DACH2: variants seen among roughly 807,000 people sequenced by gnomAD.
The protein encoded by DACH2 is dachshund family transcription factor 2, also known as dachshund homolog 2.
In DACH2, 17 loss-of-function variants were observed where a neutral mutation model predicts 35.8. That is an observed-to-expected ratio of 0.48 (90% CI 0.33 to 0.71). The LOEUF (loss-of-function observed/expected upper bound fraction) is 0.71, where lower values mean the gene tolerates loss of function less well. Among genes scored for constraint, DACH2 ranks in the 30% least tolerant of loss-of-function variants. DACH2 has a pLI of 0.02. For missense variants in DACH2, 469 were observed against 472.7 expected (o/e 0.99, Z 0.07); for synonymous variants, 195 against 177.3 (o/e 1.10, Z -0.79).
At chrX:86,775,756 T>A (rs1018992190) in intron 7 of DACH2, among the ~76,000 whole-genome samples, 3 of 112,205 alleles carry the variant, frequency 2.7e-5, no homozygotes, top group Non-Finnish European at 5.6e-5. Context: ...GCATTTACAT[T>A]TTGTTCTTAT....
intron 4 of DACH2, among the ~76,000 whole-genome samples, chrX:86,663,862 C>A (rs2040635987): frequency 9.0e-6 from 1 of 111,541 alleles, no homozygotes; most frequent in African/African-American, 3.3e-5. Context: ...TGGTTGGTTA[C>A]AAGTGCCTCC....
chrX:86,479,704 G>T (rs1454047411), intron 2 of DACH2, among the ~76,000 whole-genome samples: 2 of 111,332 alleles, frequency 1.8e-5, no homozygotes, highest in Non-Finnish European at 1.9e-5. Context: ...ATTTCAATTG[G>T]CCTGTCTTCA....
At chrX:86,695,704 G>A (rs1406447214) in intron 5 of DACH2, among the ~76,000 whole-genome samples, 1 of 109,390 alleles carries the variant, frequency 9.1e-6, no homozygotes, top group South Asian at 4.0e-4. Flanking sequence ...ATAAAGACGG[G>A]GTTTCACCAT....
chrX:86,298,590 AAGG>A (rs1017061428), intron 1 of DACH2, among the ~76,000 whole-genome samples: 2 of 111,906 alleles, frequency 1.8e-5, no homozygotes, highest in African/African-American at 6.5e-5. Flanking sequence ...ATATAGCCAC[AAGG>A]AGTAGTACTA....
At chrX:86,494,347 T>G (rs1453452364) in intron 2 of DACH2, among the ~76,000 whole-genome samples, 1 of 112,163 alleles carries the variant, frequency 8.9e-6, no homozygotes, top group African/African-American at 3.2e-5. Flanking sequence ...TAGAACTCAC[T>G]AATAGATACT....
rs373794075 is a variant in DACH2 at position 86,356,246 on chromosome X, A to G, written c.489-20578A>G. ...AAGGGGTCCAATTTCAATCTTCTGC[A>G]TATGGCTAGCCAGTTATCCCAGCAC... On this transcript the variant is annotated intron_variant, in intron 1 of 11. Transcript: ENST00000373125. Among the ~76,000 whole-genome samples, 33 of 112,072 alleles carry G rather than the reference A, an allele frequency of 2.9e-4. No individual in the cohort carries two copies. In the East Asian group the frequency reaches 3.6e-3, roughly 12 times the overall value.
intron 3 of DACH2, among the ~76,000 whole-genome samples, chrX:86,519,037 A>G (rs888181645): frequency 1.8e-5 from 2 of 112,329 alleles, no homozygotes. Flanking sequence ...TGGGTTTCTC[A>G]TAGATGGCTC....
intron 3 of DACH2, among the ~76,000 whole-genome samples, chrX:86,567,145 C>T (rs1226359438): frequency 9.0e-6 from 1 of 111,417 alleles, no homozygotes; most frequent in African/African-American, 3.3e-5. Context: ...AGGGTATAAT[C>T]AAAACAGATG....
intron 1 of DACH2, among the ~76,000 whole-genome samples, chrX:86,335,815 G>A (rs781594354): frequency 2.7e-5 from 3 of 111,845 alleles, no homozygotes; most frequent in South Asian, 3.7e-4. Flanking sequence ...GAGGGCATCC[G>A]TGTCTTGTGC....
chrX:86,267,714 G>T (rs1197095476), intron 1 of DACH2, among the ~76,000 whole-genome samples: 1 of 111,842 alleles, frequency 8.9e-6, no homozygotes, highest in African/African-American at 3.2e-5. Flanking sequence ...TAATACTGTA[G>T]GAAAGTAATC....
intron 6 of DACH2, among the ~76,000 whole-genome samples, chrX:86,731,035 C>T (rs1274586839): frequency 2.7e-5 from 3 of 111,579 alleles, no homozygotes; most frequent in Admixed American, 1.9e-4. Context: ...GAACACAGCA[C>T]TTGGTGTACT....
chrX:86,246,825 T>C (rs956808333), intron 1 of DACH2, among the ~76,000 whole-genome samples: 2 of 111,408 alleles, frequency 1.8e-5, no homozygotes, highest in South Asian at 3.8e-4. Flanking sequence ...TCCACACATA[T>C]CAATATTAAC....
chrX:86,729,814 C>G (rs1029372874), intron 6 of DACH2, among the ~76,000 whole-genome samples: 1 of 111,347 alleles, frequency 9.0e-6, no homozygotes, highest in Admixed American at 9.5e-5. Context: ...TATGCCTGCT[C>G]CTGCTTCAAC....
chrX:86,452,350 G>A (rs1765478656), intron 2 of DACH2, among the ~76,000 whole-genome samples: 1 of 111,652 alleles, frequency 9.0e-6, no homozygotes, highest in Non-Finnish European at 1.9e-5. Context: ...GAATGAGTTA[G>A]GGAGGAGTCC....
chrX:86,294,402 C>T (rs1049636578), intron 1 of DACH2, among the ~76,000 whole-genome samples: 1 of 110,217 alleles, frequency 9.1e-6, no homozygotes, highest in African/African-American at 3.3e-5. Flanking sequence ...ATTTGATCGT[C>T]TGAAGCCTTC....
At chrX:86,564,432 A>C (rs1226364446) in intron 3 of DACH2, among the ~76,000 whole-genome samples, 2 of 107,399 alleles carry the variant, frequency 1.9e-5, no homozygotes, top group East Asian at 6.0e-4. Context: ...AAATTAATTC[A>C]ACAGTTTAAT....
intron 6 of DACH2, among the ~76,000 whole-genome samples, chrX:86,729,234 G>T (rs190283046): frequency 8.9e-6 from 1 of 112,213 alleles, no homozygotes; most frequent in East Asian, 2.8e-4. Flanking sequence ...TTATTTTCGA[G>T]CTTTAAGATT....
rs531500007 is a variant in DACH2 at position 86,543,737 on chromosome X, C to A, written c.640+29346C>A. On this transcript the variant is annotated intron_variant, in intron 3 of 11. Coordinates refer to ENST00000373125, the MANE Select transcript of DACH2 (RefSeq NM_053281.3). ...AATTTCATCCAACTATCGCAAGAACCAAAAACCAAACACCACATATTCTCA... is the reference window on the plus strand; with the variant it reads ...AATTTCATCCAACTATCGCAAGAACAAAAAACCAAACACCACATATTCTCA... Among the ~76,000 whole-genome samples the A allele has an allele frequency of 2.5e-4, 26 of 104,273 alleles. 1 individual carries two copies. In the South Asian group the frequency reaches 9.0e-3, roughly 36 times the overall value. 90.5% of individuals were successfully genotyped at this position (104,273 alleles called of 115,157 possible).
At chrX:86,758,604 T>C (rs1329375299) in intron 7 of DACH2, among the ~76,000 whole-genome samples, 1 of 112,114 alleles carries the variant, frequency 8.9e-6, no homozygotes, top group African/African-American at 3.2e-5. Flanking sequence ...TTATATGATT[T>C]TGATTTTTAA....
Sources: allele counts gnomAD v4.1 joint callset (sites outside exome capture counted in the v4.1 genomes callset), GRCh38; gene constraint gnomAD v4.1.1; transcripts MANE v1.5; gene names NCBI Gene and HGNC (gene_info 2026-07-23, HGNC 2026-07-21).